PON3: variants seen among roughly 807,000 people sequenced by gnomAD.
PON3 encodes paraoxonase 3, also known as serum paraoxonase/lactonase 3.
In PON3, 37 loss-of-function variants were observed where a neutral mutation model predicts 36.3. That is an observed-to-expected ratio of 1.02 (90% CI 0.78 to 1.34). PON3 has a LOEUF of 1.34. Ranked by LOEUF, PON3 falls within the 40% of genes most tolerant of loss-of-function variation. PON3 has a pLI of 0.00. For synonymous variants in PON3, 155 were observed against 154.8 expected, an observed-to-expected ratio of 1.00 and a Z score of -0.01; for missense variants, 415 against 426.5, an observed-to-expected ratio of 0.97 and a Z score of 0.24.
intron 3 of PON3, among the ~76,000 whole-genome samples, chr7:95,386,109 G>A (rs923866878): frequency 6.6e-6 from 1 of 152,238 alleles, no homozygotes; most frequent in African/African-American, 2.4e-5. Flanking sequence ...AAAGCTACCA[G>A]AAGGCAATAA....
chr7:95,370,026 T>C (rs1458768524), intron 4 of PON3, among the ~76,000 whole-genome samples: 2 of 152,056 alleles, frequency 1.3e-5, no homozygotes, highest in Non-Finnish European at 2.9e-5. Flanking sequence ...AGAAATCCAG[T>C]ATGGCTGGTC....
At chr7:95,387,587 C>CA (rs376986948) in intron 3 of PON3, among the ~76,000 whole-genome samples, 3 of 152,262 alleles carry the variant, frequency 2.0e-5, no homozygotes, top group African/African-American at 7.2e-5. Flanking sequence ...GTGTCATCCC[C>CA]ATCAAGCTAC....
chr7:95,383,396 A>G (rs11978302), intron 3 of PON3, among the ~76,000 whole-genome samples: 8,598 of 152,250 alleles, frequency 0.056, 816 homozygotes, highest in African/African-American at 0.2. Context: ...TCAATTAGGA[A>G]AAGAGGAAGT....
At chr7:95,375,248 ATGTATACATATATATATGTATG>A (rs983702207) in intron 3 of PON3, among the ~76,000 whole-genome samples, 10 of 151,384 alleles carry the variant, frequency 6.6e-5, no homozygotes, top group Admixed American at 1.3e-4. Context: ...ATATATGTAT[ATGTATACATATATATATGTATG>A]TGTGTATATA....
At position 95,372,046 on chromosome 7, in the gene PON3, A is replaced by T. The variant is rs2375002; in HGVS notation, c.367+127T>A. On this transcript the variant is annotated intron_variant, in intron 4 of 8. Transcript: ENST00000265627. ...AAGGTTTTATACCTATTTATCATTT[A>T]AAAAAAACACATCTGTATGGTAAAA... The T allele has an allele frequency of 0.94, 993,808 of 1,060,028 alleles. 466,465 individuals are homozygous for T. The highest frequency in any genetic ancestry group is 0.98 in the African/African-American group (61,353 of 62,632). 65.7% of individuals were successfully genotyped at this position (1,060,028 alleles called of 1,614,324 possible). A position where few individuals can be genotyped will look rare whatever the true frequency, so the allele number is the denominator to read the frequency against.
At chr7:95,380,909 C>A (rs56970865) in intron 3 of PON3, among the ~76,000 whole-genome samples, 4,246 of 152,194 alleles carry the variant, frequency 0.028, 114 homozygotes, top group African/African-American at 0.068. Flanking sequence ...GTCAGATTCA[C>A]CAAGGTTGAA....
intron 3 of PON3, among the ~76,000 whole-genome samples, chr7:95,385,781 T>C (rs1809176245): frequency 6.6e-6 from 1 of 152,030 alleles, no homozygotes; most frequent in South Asian, 2.1e-4. Context: ...ACTACACAAC[T>C]ACATGGAAAC....
intron 2 of PON3, among the ~76,000 whole-genome samples, chr7:95,392,795 T>A (rs149812173): frequency 6.6e-6 from 1 of 152,250 alleles, no homozygotes; most frequent in East Asian, 1.9e-4. Context: ...GCTACTTCCA[T>A]GTAATGCATT....
chr7:95,396,256 C>A, intron 1 of PON3, 21 bp downstream of exon 1: 2 of 1,613,132 alleles, frequency 1.2e-6, no homozygotes, highest in Non-Finnish European at 1.7e-6. Context: ...GTCGAAGACG[C>A]CCTGTCAAGA....
At chr7:95,384,100 G>A (rs1484468058) in intron 3 of PON3, among the ~76,000 whole-genome samples, 1 of 152,050 alleles carries the variant, frequency 6.6e-6, no homozygotes, top group Non-Finnish European at 1.5e-5. Context: ...ACAAGAAATG[G>A]GGAAAGGATT....
At chr7:95,386,485 A>G (rs1809192986) in intron 3 of PON3, among the ~76,000 whole-genome samples, 1 of 152,222 alleles carries the variant, frequency 6.6e-6, no homozygotes, top group South Asian at 2.1e-4. Flanking sequence ...TTGAGGCAAT[A>G]ATTAATAGCC....
chr7:95,395,962 G>A (rs1562779961), intron 1 of PON3: 1 of 400,596 alleles, frequency 2.5e-6, no homozygotes, highest in Non-Finnish European at 4.7e-6. Flanking sequence ...CAAGCAGAAT[G>A]TTGAGGGCGA....
At chr7:95,385,204 G>A (rs1473588771) in intron 3 of PON3, among the ~76,000 whole-genome samples, 1 of 152,104 alleles carries the variant, frequency 6.6e-6, no homozygotes, top group East Asian at 1.9e-4. Flanking sequence ...GGCCTGTTGT[G>A]GGGTAGGGGG....
chr7:95,370,474 C>T (rs1010464314), intron 4 of PON3, among the ~76,000 whole-genome samples: 37 of 152,176 alleles, frequency 2.4e-4, no homozygotes, highest in African/African-American at 8.7e-4. Context: ...GTAAAGACAC[C>T]ATTATATATG....
intron 4 of PON3, 88 bp from the exon 5 acceptor site, chr7:95,367,576 A>C: frequency 6.9e-7 from 1 of 1,451,062 alleles, no homozygotes; most frequent in Non-Finnish European, 9.6e-7. Flanking sequence ...CACTTCCAAA[A>C]GTTTTCTTCT....
intron 2 of PON3, 110 bp from the exon 3 acceptor site, chr7:95,390,319 CTTGTTCAACCATTT>C (rs1809291907): frequency 2.3e-6 from 2 of 885,364 alleles, no homozygotes; most frequent in African/African-American, 3.3e-5. Context: ...AAATTGTTGA[CTTGTTCAACCATTT>C]ACTTGGGAAA....
At chr7:95,388,536 C>T (rs949795053) in intron 3 of PON3, among the ~76,000 whole-genome samples, 8 of 152,158 alleles carry the variant, frequency 5.3e-5, no homozygotes, top group Admixed American at 6.5e-5. Flanking sequence ...TGTGGCAGTT[C>T]CTCAAGGGTC....
intron 3 of PON3, among the ~76,000 whole-genome samples, chr7:95,376,073 C>A (rs1808907532): frequency 6.6e-6 from 1 of 152,124 alleles, no homozygotes; most frequent in South Asian, 2.1e-4. Flanking sequence ...AAACCTAGAG[C>A]AAGCACTTAA....
At position 95,372,230 on chromosome 7, in the gene PON3, C is replaced by G; in HGVS notation, c.310G>C (p.Gly104Arg). ...TTAAATAATTCTTTGTCAAATCCACCACTGATTTCTAGCGCTTGTGCCCTT... is the reference window on the plus strand; with the variant it reads ...TTAAATAATTCTTTGTCAAATCCACGACTGATTTCTAGCGCTTGTGCCCTT... Reference protein sequence around the residue: ...NPRAQALEISGGFDKELFNPH... With the variant: ...NPRAQALEISRGFDKELFNPH... The change falls in exon 4 of 9, where the codon GGT becomes CGT. Residue 104 changes from glycine (G) to arginine (R), a missense_variant. Gly to Arg is a moderately radical substitution (Grantham distance 125). Coordinates refer to ENST00000265627, the MANE Select transcript of PON3 (RefSeq NM_000940.3). The G allele has an allele frequency of 6.2e-7, 1 of 1,613,752 alleles. No homozygotes were observed. Among genetic ancestry groups the G allele is most frequent in the Non-Finnish European group, 8.5e-7 (1 of 1,179,796 alleles).
Sources: allele counts gnomAD v4.1 joint callset (sites outside exome capture counted in the v4.1 genomes callset), GRCh38; gene constraint gnomAD v4.1.1; transcripts MANE v1.5; gene names NCBI Gene and HGNC (gene_info 2026-07-23, HGNC 2026-07-21).